TRAK2: variants seen among roughly 807,000 people sequenced by gnomAD.
TRAK2 encodes the protein trafficking kinesin protein 2.
TRAK2 carries 81 observed loss-of-function variants against 104.6 expected under a neutral mutation model. The observed-to-expected ratio is 0.77, with a 90% CI of 0.65 to 0.93. The LOEUF (loss-of-function observed/expected upper bound fraction) is 0.93, where lower values mean the gene tolerates loss of function less well. Among genes scored for constraint, TRAK2 ranks in the 40% least tolerant of loss-of-function variants. The pLI is 0.00. For missense variants in TRAK2, 1,002 were observed against 1,089.0 expected (o/e 0.92, Z 1.12); for synonymous variants, 406 against 394.4 (o/e 1.03, Z -0.35).
intron 1 of TRAK2, among the ~76,000 whole-genome samples, chr2:201,451,040 A>G (rs1278051364): frequency 6.6e-6 from 1 of 152,182 alleles, no homozygotes; most frequent in African/African-American, 2.4e-5. Context: ...CACTCATCCT[A>G]AAAGACAGGG....
rs113439806 is a variant in TRAK2 at position 201,383,267 on chromosome 2, T to C, written c.2069+844A>G. 6.3e-3 allele frequency among the ~76,000 whole-genome samples: 960 copies of C among 152,300 alleles called. 13 individuals are homozygous for C. The highest frequency in any genetic ancestry group is 0.021 in the African/African-American group (888 of 41,564). ...ATCTATGTCACAACTAATAGGAGTGTCTTTGGCTAGAGTGGAGGCTGATCA... is the reference window on the plus strand; with the variant it reads ...ATCTATGTCACAACTAATAGGAGTGCCTTTGGCTAGAGTGGAGGCTGATCA... On this transcript the variant is annotated intron_variant, in intron 15 of 15. Transcript: ENST00000332624.
At chr2:201,382,176 T>C (rs959527973) in intron 15 of TRAK2, among the ~76,000 whole-genome samples, 2 of 152,210 alleles carry the variant, frequency 1.3e-5, no homozygotes, top group African/African-American at 4.8e-5. Flanking sequence ...AAAATTCTTA[T>C]TCTATGCTTA....
At chr2:201,402,625 G>T (rs911110174) in intron 3 of TRAK2, among the ~76,000 whole-genome samples, 3 of 152,210 alleles carry the variant, frequency 2.0e-5, no homozygotes, top group Non-Finnish European at 4.4e-5. Context: ...AATATAATTT[G>T]GTAGCATAGC....
chr2:201,430,993 A>G (rs1322917752), intron 1 of TRAK2, among the ~76,000 whole-genome samples: 2 of 152,212 alleles, frequency 1.3e-5, no homozygotes, highest in Non-Finnish European at 2.9e-5. Flanking sequence ...TTCTGGCTCA[A>G]CAGCCAACTG....
Position 201,379,861 on chromosome 2 carries a change from C to G in TRAK2, c.*682G>C, listed in dbSNP as rs1339227409. ...TAAAAATACAAATTTAAAAAATGAA[C>G]TTTTATTAATCATAAATACAAAATA... On this transcript the variant is annotated 3_prime_UTR_variant, in exon 16 of 16. Transcript: ENST00000332624. 1 of 146,562 alleles carries G rather than the reference C, an allele frequency of 6.8e-6. No individual in the cohort carries two copies. The highest frequency in any genetic ancestry group is 1.5e-5 in the Non-Finnish European group (1 of 66,910). The allele number at this position is 146,562 out of a possible 1,614,324, so 9.1% of individuals were successfully genotyped here.
intron 13 of TRAK2, among the ~76,000 whole-genome samples, chr2:201,387,287 A>C (rs1458469740): frequency 2.0e-5 from 3 of 152,218 alleles, no homozygotes; most frequent in Non-Finnish European, 4.4e-5. Flanking sequence ...AGGTACACAC[A>C]CACCTCTAAG....
chr2:201,441,201 T>A (rs1193707467), intron 1 of TRAK2, among the ~76,000 whole-genome samples: 1 of 152,238 alleles, frequency 6.6e-6, no homozygotes, highest in Non-Finnish European at 1.5e-5. Flanking sequence ...AAAATCTGCA[T>A]AAAAGAGTTT....
chr2:201,398,185 A>G lies in TRAK2; in HGVS notation c.650T>C (p.Leu217Pro), dbSNP rs770183517. ...CATATTCTCTTCTTCCAGTTCCTTGAGCTTTTCTTGCAGCATTTCCAACTG... is the reference window on the plus strand; with the variant it reads ...CATATTCTCTTCTTCCAGTTCCTTGGGCTTTTCTTGCAGCATTTCCAACTG... ...LLQLEMLQEK[L>P]KELEEENMAL... Residue 217 changes from leucine to proline, a missense_variant, in exon 6 of 16, where the codon CTC becomes CCC. Coordinates refer to ENST00000332624, the MANE Select transcript of TRAK2 (RefSeq NM_015049.3). 6.2e-7 allele frequency: 1 copy of G among 1,613,726 alleles called. No individual in the cohort carries two copies.
chr2:201,420,201 G>A (rs776840707), intron 2 of TRAK2, among the ~76,000 whole-genome samples: 15 of 152,180 alleles, frequency 9.9e-5, no homozygotes, highest in Non-Finnish European at 1.5e-4. Flanking sequence ...GGGTACAGGG[G>A]AGTCCGACAT....
intron 2 of TRAK2, among the ~76,000 whole-genome samples, chr2:201,414,772 TACTC>T (rs1326784638): frequency 6.6e-6 from 1 of 152,058 alleles, no homozygotes; most frequent in Non-Finnish European, 1.5e-5. Flanking sequence ...GTCATTTTAA[TACTC>T]AGGAAGAGAA....
intron 4 of TRAK2, among the ~76,000 whole-genome samples, chr2:201,400,793 C>T (rs1340519955): frequency 6.6e-6 from 1 of 151,776 alleles, no homozygotes; most frequent in Non-Finnish European, 1.5e-5. Context: ...GGAGGCAAGT[C>T]AACACCATTA....
At position 201,428,549 on chromosome 2, in the gene TRAK2, C is replaced by T. The variant is rs1227082456; in HGVS notation, c.-199-7843G>A. On this transcript the variant is annotated intron_variant, in intron 1 of 15. Coordinates refer to ENST00000332624, the MANE Select transcript of TRAK2 (RefSeq NM_015049.3). ...CTATATCTCTGTTTTGGTACCAATA[C>T]CATGCTGTTTTGGTTACTGTAGCTT... Among the ~76,000 whole-genome samples, 5 of 152,290 alleles carry T rather than the reference C, an allele frequency of 3.3e-5. No homozygotes were observed. The East Asian group carries it at 9.6e-4, about 29-fold the overall frequency.
Position 201,378,399 on chromosome 2 carries a change from G to A in TRAK2, c.*2144C>T, listed in dbSNP as rs568760689. On this transcript the variant is annotated 3_prime_UTR_variant, in exon 16 of 16. Coordinates refer to ENST00000332624, the MANE Select transcript of TRAK2 (RefSeq NM_015049.3). ...ATACACATAAATCGGACAATTTAAC[G>A]TTGTACTACTCTCTGGCCCTACAGT... 1.6e-4 allele frequency: 25 copies of A among 152,184 alleles called. No individual in the cohort carries two copies. The South Asian group carries it at 5.2e-3, about 32-fold the overall frequency. 9.4% of individuals were successfully genotyped at this position (152,184 alleles called of 1,614,324 possible).
chr2:201,381,952 A>G (rs2125639095), intron 15 of TRAK2, among the ~76,000 whole-genome samples: 1 of 152,316 alleles, frequency 6.6e-6, no homozygotes, highest in African/African-American at 2.4e-5. Flanking sequence ...GTATTACTTC[A>G]GTATTCAGTA....
At chr2:201,417,241 C>CAAAAAAAAAAAAAAAAAAAAAAGAAAA (rs61702415) in intron 2 of TRAK2, among the ~76,000 whole-genome samples, 1 of 88,432 alleles carries the variant, frequency 1.1e-5, no homozygotes, top group African/African-American at 4.7e-5. Context: ...GAAGACATTG[C>CAAAAAAAAAAAAAAAAAAAAAAGAAAA]AAAAAAAAAA....
rs370034512 is a variant in TRAK2 at position 201,389,847 on chromosome 2, G to A, written c.1147C>T (p.Arg383Cys). The change falls in exon 11 of 16, where the codon CGT (arginine) becomes TGT (cysteine). Residue 383 changes from arginine (R) to cysteine (C), a missense_variant. Physicochemically the swap from Arg to Cys is radical, Grantham distance 180. Coordinates refer to ENST00000332624, the MANE Select transcript of TRAK2 (RefSeq NM_015049.3). ...TCCTCATCCAAACTCAGCTTTTTAC[G>A]CATAGTCCCCTCAATCTCAGCTGCC... ...SLAAEIEGTM[R>C]KKLSLDEESS... The A allele has an allele frequency of 3.9e-5, 63 of 1,613,490 alleles. No homozygotes were observed. The highest frequency in any genetic ancestry group is 1.5e-4 in the South Asian group (14 of 90,978).
chr2:201,440,280 C>T (rs1314831835), intron 1 of TRAK2, among the ~76,000 whole-genome samples: 1 of 152,058 alleles, frequency 6.6e-6, no homozygotes, highest in African/African-American at 2.4e-5. Context: ...AGGCTATCAA[C>T]TACTACACTT....
Position 201,411,347 on chromosome 2 carries a change from G to A in TRAK2, c.92-3750C>T, listed in dbSNP as rs539118683. ...TCTGAAACCCATCCTCTTTATTTTC[G>A]GAATCACTGCCAGTCAGAAGGTCTG... On this transcript the variant is annotated intron_variant, in intron 2 of 15. Coordinates refer to ENST00000332624, the MANE Select transcript of TRAK2 (RefSeq NM_015049.3). The A allele has an allele frequency of 1.1e-3, 843 of 750,418 alleles. 1 individual carries two copies. The highest frequency in any genetic ancestry group is 3.4e-3 in the Middle Eastern group (12 of 3,520). 46.5% of individuals were successfully genotyped at this position (750,418 alleles called of 1,614,324 possible).
At chr2:201,400,941 G>T in intron 4 of TRAK2, 77 bp downstream of exon 4, 3 of 1,134,900 alleles carry the variant, frequency 2.6e-6, no homozygotes, top group Non-Finnish European at 4.0e-6. Context: ...TTTTCCATTT[G>T]ATGTGCAAAT....
Sources: gnomAD v4.1 joint callset for allele counts (sites outside exome capture counted in the v4.1 genomes callset) on GRCh38, gnomAD v4.1.1 for gene constraint, MANE v1.5 for transcripts, NCBI Gene and HGNC (gene_info 2026-07-23, HGNC 2026-07-21) for gene names.